The following M6PR variants were observed in gnomAD, a reference collection of about 807,000 sequenced individuals.
M6PR encodes the protein cation-dependent mannose-6-phosphate receptor.
In M6PR, 19 loss-of-function variants were observed where a neutral mutation model predicts 33.1. The observed-to-expected ratio is 0.57, with a 90% CI of 0.40 to 0.84. M6PR has a LOEUF of 0.84. Ranked by LOEUF, M6PR falls within the 40% of genes least tolerant of loss-of-function variation. The pLI is 0.00. For synonymous variants in M6PR, 111 were observed against 123.4 expected (o/e 0.90, Z 0.67); for missense variants, 295 against 336.0 (o/e 0.88, Z 0.95).
chr12:8,945,090 T>G (rs1592223357), intron 3 of M6PR: 1 of 208,954 alleles, frequency 4.8e-6, no homozygotes, highest in East Asian at 1.5e-4. Context: ...CCCAAGAGGC[T>G]GAGGTTGCAG....
intron 6 of M6PR, 94 bp from the exon 7 acceptor site, chr12:8,942,034 G>A: frequency 7.1e-7 from 1 of 1,417,478 alleles, no homozygotes; most frequent in Non-Finnish European, 9.8e-7. Flanking sequence ...GGCAAGAATT[G>A]GTTTTCTATA....
intron 1 of M6PR, among the ~76,000 whole-genome samples, chr12:8,948,282 T>A (rs2137175715): frequency 6.6e-6 from 1 of 152,360 alleles, no homozygotes; most frequent in Non-Finnish European, 1.5e-5. Context: ...CAGTGGCATA[T>A]GCGCTAAATG....
At chr12:8,942,751 A>G (rs930027798) in intron 5 of M6PR, among the ~76,000 whole-genome samples, 25 of 152,342 alleles carry the variant, frequency 1.6e-4, no homozygotes, top group African/African-American at 5.8e-4. Flanking sequence ...AGGCCCAGAC[A>G]AAATGTGACA....
intron 3 of M6PR, chr12:8,945,157 C>A: frequency 2.9e-6 from 1 of 339,742 alleles, no homozygotes; most frequent in Non-Finnish European, 5.5e-6. Flanking sequence ...GACTCCGTCT[C>A]AAAACAAAAC....
chr12:8,942,875 A>AG (rs919547210), intron 5 of M6PR, among the ~76,000 whole-genome samples: 32 of 64,234 alleles, frequency 5.0e-4, no homozygotes, highest in Non-Finnish European at 1.1e-3. Context: ...GCAGTAGGGG[A>AG]AAAAAGCACC....
At chr12:8,942,196 C>T (rs994132220) in intron 6 of M6PR, 30 of 685,908 alleles carry the variant, frequency 4.4e-5, no homozygotes, top group Non-Finnish European at 7.0e-5. Flanking sequence ...ATCTGGTCAA[C>T]AGTGTTGCTC....
chr12:8,945,319 T>C (rs1165592596), intron 3 of M6PR, 99 bp downstream of exon 3: 29 of 1,260,262 alleles, frequency 2.3e-5, no homozygotes, highest in Admixed American at 3.6e-5. Flanking sequence ...ACGTATGATA[T>C]GCTGAAGACA....
In M6PR at chr12:8,941,951, AAAAAAAAGAAG is replaced by A; in HGVS notation, c.712-22_712-12del. On this transcript the variant is annotated splice_polypyrimidine_tract_variant and intron_variant, in intron 6 of 6. Coordinates refer to ENST00000000412, the MANE Select transcript of M6PR (RefSeq NM_002355.4). ...AAAGTCACAGCCATCCTGTAGGGGG[AAAAAAAAGAAG>A]GAAATAATTCGCAGCATCTAACTTT... 6.2e-7 allele frequency: 1 copy of A among 1,612,126 alleles called. No homozygotes were observed. The highest frequency in any genetic ancestry group is 8.5e-7 in the Non-Finnish European group (1 of 1,178,538).
chr12:8,942,151 C>T lies in M6PR; in HGVS notation c.712-211G>A, dbSNP rs1043925954. 1.2e-5 allele frequency: 8 copies of T among 685,122 alleles called. No individual in the cohort carries two copies. The East Asian group carries it at 1.9e-4, about 16-fold the overall frequency. The allele number at this position is 685,122 out of a possible 1,614,324, so 42.4% of individuals were successfully genotyped here. On this transcript the variant is annotated intron_variant, in intron 6 of 6. Coordinates refer to ENST00000000412, the MANE Select transcript of M6PR (RefSeq NM_002355.4). ...AGGCCTCACCTTCTTCCCACCCAGG[C>T]CCTCTTAAAAGCTAAATCAGATTTA... is the stretch of plus-strand genomic sequence containing the variant.
chr12:8,941,583 G>GA lies in M6PR; in HGVS notation c.*234_*235insT, dbSNP rs1350674870. 2 of 452,606 alleles carry GA rather than the reference G, an allele frequency of 4.4e-6. No homozygotes were observed. Among genetic ancestry groups the GA allele is most frequent in the Non-Finnish European group, 7.8e-6 (2 of 255,824 alleles). The allele number at this position is 452,606 out of a possible 1,614,324, so 28.0% of individuals were successfully genotyped here. On this transcript the variant is annotated 3_prime_UTR_variant, in exon 7 of 7. Transcript: ENST00000000412. ...CAATGCAAAAGCCTCTGTTTTCACAGGCCCTATTATATTAACTCTGACTTA... is the reference window on the plus strand; with the variant it reads ...CAATGCAAAAGCCTCTGTTTTCACAGAGCCCTATTATATTAACTCTGACTTA...
At position 8,942,584 on chromosome 12, in the gene M6PR, T is replaced by G. The variant is rs758968456; in HGVS notation, c.585-42A>C. On this transcript the variant is annotated intron_variant, in intron 5 of 6. Coordinates refer to ENST00000000412, the MANE Select transcript of M6PR (RefSeq NM_002355.4). ...ACATCTATACTTAAGAACTGGGAAA[T>G]AGTAAAAACTCAGATAGGATAACCT... 1.9e-6 allele frequency: 3 copies of G among 1,599,854 alleles called. No individual in the cohort carries two copies. The African/African-American group carries it at 4.0e-5, about 22-fold the overall frequency.
chr12:8,947,721 G>C (rs1232533462), intron 1 of M6PR, among the ~76,000 whole-genome samples: 1 of 152,200 alleles, frequency 6.6e-6, no homozygotes, highest in Admixed American at 6.5e-5. Flanking sequence ...AGCTAGTGGA[G>C]TGAGCCAGAG....
At chr12:8,946,429 G>C (rs1233438425) in intron 1 of M6PR, 24 bp from the exon 2 acceptor site, 2 of 1,604,072 alleles carry the variant, frequency 1.2e-6, no homozygotes, top group Admixed American at 1.7e-5. Context: ...TGTGTGTTGG[G>C]GAGGGCAGGT....
At chr12:8,943,774 C>A (rs748790770) in intron 4 of M6PR, 27 bp downstream of exon 4, 1 of 1,588,356 alleles carries the variant, frequency 6.3e-7, no homozygotes, top group Non-Finnish European at 8.6e-7. Context: ...TCTCCTCCCT[C>A]GGCTTATACA....
At position 8,943,317 on chromosome 12, in the gene M6PR, C is replaced by A. The variant is rs111761709; in HGVS notation, c.584+88G>T. On this transcript the variant is annotated intron_variant, in intron 5 of 6. Coordinates refer to ENST00000000412, the MANE Select transcript of M6PR (RefSeq NM_002355.4). Reference sequence around the variant, plus strand: ...TCAATTACAGCATAATGTACACATACAATTTGTGCTTATGTACCACCATAT... The same window carrying A: ...TCAATTACAGCATAATGTACACATAAAATTTGTGCTTATGTACCACCATAT... 42 of 1,384,638 alleles carry A rather than the reference C, an allele frequency of 3.0e-5. 1 individual carries two copies. The highest frequency in any genetic ancestry group is 1.9e-4 in the African/African-American group (13 of 68,822). The allele number at this position is 1,384,638 out of a possible 1,614,324, so 85.8% of individuals were successfully genotyped here.
chr12:8,941,612 C>G lies in M6PR; in HGVS notation c.*206G>C, dbSNP rs899123752. Reference sequence around the variant, plus strand: ...CTATTATATTAACTCTGACTTACAACTGTACCTCTCTAGAGAAAAAACAGA... The same window carrying G: ...CTATTATATTAACTCTGACTTACAAGTGTACCTCTCTAGAGAAAAAACAGA... On this transcript the variant is annotated 3_prime_UTR_variant, in exon 7 of 7. Transcript: ENST00000000412. The G allele has an allele frequency of 3.5e-6, 2 of 578,778 alleles. No individual in the cohort carries two copies. Among genetic ancestry groups the G allele is most frequent in the African/African-American group, 3.7e-5 (2 of 53,488 alleles). 35.9% of individuals were successfully genotyped at this position (578,778 alleles called of 1,614,324 possible).
At position 8,942,538 on chromosome 12, in the gene M6PR, C is replaced by T. The variant is rs749563408; in HGVS notation, c.589G>A (p.Ala197Thr). 1 of 1,614,088 alleles carries T rather than the reference C, an allele frequency of 6.2e-7. No individual in the cohort carries two copies. Among genetic ancestry groups the T allele is most frequent in the Admixed American group, 1.7e-5 (1 of 60,026 alleles). Residue 197 changes from alanine (A) to threonine (T), a missense_variant, in exon 6 of 7, where the codon GCA (alanine) becomes ACA (threonine). Ala to Thr is a moderately conservative substitution (Grantham distance 58, BLOSUM62 0). Transcript: ENST00000000412. ...SVGSILLVTFASLVAVYVVGG... is the reference protein window; with the variant it reads ...SVGSILLVTFTSLVAVYVVGG... ...ACAACATAAACAGCAACCAGTGATG[C>T]AAACCTGTAGAGAGAGAAAGACATC...
At chr12:8,943,166 G>A in intron 5 of M6PR, 2 of 440,334 alleles carry the variant, frequency 4.5e-6, no homozygotes, top group South Asian at 4.7e-5. Flanking sequence ...TGGTCAGGTT[G>A]GTCTCAAACT....
In M6PR at chr12:8,949,172, G is replaced by A. The variant is rs1946151668; in HGVS notation, c.-2+316C>T. On this transcript the variant is annotated intron_variant, in intron 1 of 6. Transcript: ENST00000000412. This position sits in a 1 kb window ranked among gnomAD's most constrained non-coding sequence, Gnocchi z 5.6. ...ATGCCACTTGACCTCCCACCGTGAT[G>A]CAGGCCAAAATTCCTCCTACAAATA... 6.6e-6 allele frequency among the ~76,000 whole-genome samples: 1 copy of A among 152,048 alleles called. No homozygotes were observed. Among genetic ancestry groups the A allele is most frequent in the African/African-American group, 2.4e-5 (1 of 41,390 alleles).
Sources: allele counts gnomAD v4.1 joint callset (sites outside exome capture counted in the v4.1 genomes callset), GRCh38; gene constraint gnomAD v4.1.1; non-coding constraint Gnocchi (gnomAD v3.1); transcripts MANE v1.5; gene names NCBI Gene and HGNC (gene_info 2026-07-23, HGNC 2026-07-21).